The following BRINP1 variants were observed in gnomAD, a reference collection of about 807,000 sequenced individuals.
BRINP1 encodes the protein BMP/retinoic acid-inducible neural-specific protein 1.
BRINP1 carries 17 observed loss-of-function variants against 72.9 expected under a neutral mutation model. The ratio of observed to expected loss-of-function variants is 0.23; its 90% confidence interval spans 0.16 to 0.35. BRINP1 has a LOEUF of 0.35. Among genes scored for constraint, BRINP1 ranks in the 10% least tolerant of loss-of-function variants. The pLI is 1.00. For synonymous variants in BRINP1, 418 were observed against 378.5 expected, an observed-to-expected ratio of 1.10 and a Z score of -1.21; for missense variants, 850 against 1,001.6, an observed-to-expected ratio of 0.85 and a Z score of 2.04.
chr9:119,358,139 A>C (rs887154806), intron 1 of BRINP1, among the ~76,000 whole-genome samples: 11 of 152,200 alleles, frequency 7.2e-5, no homozygotes, highest in African/African-American at 2.2e-4. Flanking sequence ...ACATGTGACA[A>C]CATGCAAACA....
intron 7 of BRINP1, among the ~76,000 whole-genome samples, chr9:119,197,272 A>C (rs1829748217): frequency 1.3e-5 from 2 of 152,290 alleles, no homozygotes; most frequent in African/African-American, 4.8e-5. Flanking sequence ...GGACAGAGGA[A>C]AGTATTTTTT....
intron 2 of BRINP1, among the ~76,000 whole-genome samples, chr9:119,307,239 A>G (rs937322339): frequency 1.3e-5 from 2 of 152,056 alleles, no homozygotes; most frequent in African/African-American, 4.8e-5. Context: ...AAGCAAAATT[A>G]TCCCTGACTG....
At chr9:119,278,681 A>T (rs1830679560) in intron 2 of BRINP1, among the ~76,000 whole-genome samples, 1 of 152,174 alleles carries the variant, frequency 6.6e-6, no homozygotes, top group South Asian at 2.1e-4. Context: ...CGAGGTCAAG[A>T]GATCGAGACC....
At position 119,368,947 on chromosome 9, in the gene BRINP1, G is replaced by C. The variant is rs1318281948; in HGVS notation, c.-51+109C>G. 1 of 384,656 alleles carries C rather than the reference G, an allele frequency of 2.6e-6. No individual in the cohort carries two copies. 23.8% of individuals were successfully genotyped at this position (384,656 alleles called of 1,614,324 possible). A position where few individuals can be genotyped will look rare whatever the true frequency, so the allele number is the denominator to read the frequency against. On this transcript the variant is annotated intron_variant, in intron 1 of 7. Coordinates refer to ENST00000265922, the MANE Select transcript of BRINP1 (RefSeq NM_014618.3). This position sits in a 1 kb window ranked among gnomAD's most constrained non-coding sequence, Gnocchi z 4.7. ...GGCGGCCAGGTGAAGAGCGGACAAG[G>C]GTGCCGGTAGGGGGAGGGGCAGAGG...
chr9:119,180,617 A>C (rs1219401565), intron 7 of BRINP1, among the ~76,000 whole-genome samples: 2 of 152,140 alleles, frequency 1.3e-5, no homozygotes, highest in African/African-American at 2.4e-5. Flanking sequence ...TGGATGTGCT[A>C]GTATGAATTA....
rs570249948 is a variant in BRINP1 at position 119,356,048 on chromosome 9, C to T, written c.-51+13008G>A. On this transcript the variant is annotated intron_variant, in intron 1 of 7. Coordinates refer to ENST00000265922, the MANE Select transcript of BRINP1 (RefSeq NM_014618.3). Reference sequence around the variant, plus strand: ...TATAAAGATCGAGATAGAGATCTAACCCCTGCTTTCACAATAATGTATCTC... The same window carrying T: ...TATAAAGATCGAGATAGAGATCTAATCCCTGCTTTCACAATAATGTATCTC... 2.0e-5 allele frequency among the ~76,000 whole-genome samples: 3 copies of T among 152,172 alleles called. No homozygotes were observed. The South Asian group carries it at 6.2e-4, about 32-fold the overall frequency.
intron 2 of BRINP1, among the ~76,000 whole-genome samples, chr9:119,312,726 C>A (rs779862154): frequency 6.6e-6 from 1 of 152,122 alleles, no homozygotes; most frequent in African/African-American, 2.4e-5. Context: ...TTATGATATA[C>A]CAGATAAACC....
At chr9:119,327,564 G>T (rs1413161986) in intron 1 of BRINP1, among the ~76,000 whole-genome samples, 1 of 152,164 alleles carries the variant, frequency 6.6e-6, no homozygotes, top group Non-Finnish European at 1.5e-5. Context: ...AACTGCAGGG[G>T]TTAGTGGAGA....
chr9:119,238,588 C>T (rs936760985), intron 5 of BRINP1, 67 bp downstream of exon 5: 4 of 940,946 alleles, frequency 4.3e-6, no homozygotes, highest in Non-Finnish European at 6.7e-6. Flanking sequence ...CTCCTGATCC[C>T]CTCTCCCACA....
intron 5 of BRINP1, among the ~76,000 whole-genome samples, chr9:119,237,031 G>C (rs1259782410): frequency 6.6e-6 from 1 of 152,022 alleles, no homozygotes; most frequent in Non-Finnish European, 1.5e-5. Flanking sequence ...TTCTGTAACG[G>C]GAGCATGAAT....
intron 1 of BRINP1, among the ~76,000 whole-genome samples, chr9:119,349,828 C>T (rs1831488783): frequency 6.6e-6 from 1 of 152,114 alleles, no homozygotes; most frequent in South Asian, 2.1e-4. Context: ...GATTCAGATC[C>T]GAGCTCTGTT....
intron 5 of BRINP1, among the ~76,000 whole-genome samples, chr9:119,216,908 T>C (rs1829983913): frequency 6.6e-6 from 1 of 152,216 alleles, no homozygotes; most frequent in African/African-American, 2.4e-5. Context: ...GGGGGTTTTC[T>C]GGGAGCAGCT....
At chr9:119,249,852 A>AAGGAAGAAAGGAAGGAAGGG (rs1416449775) in intron 2 of BRINP1, among the ~76,000 whole-genome samples, 1 of 65,642 alleles carries the variant, frequency 1.5e-5, no homozygotes, top group African/African-American at 8.2e-5. Context: ...GGAAGGAAGG[A>AAGGAAGAAAGGAAGGAAGGG]AGGGAGGGAG....
At chr9:119,288,662 C>G (rs996760318) in intron 2 of BRINP1, among the ~76,000 whole-genome samples, 1 of 152,218 alleles carries the variant, frequency 6.6e-6, no homozygotes, top group African/African-American at 2.4e-5. Flanking sequence ...GCTTCTTACT[C>G]AACCTCATAG....
At chr9:119,313,949 T>C (rs1441416011) in intron 1 of BRINP1, among the ~76,000 whole-genome samples, 2 of 152,214 alleles carry the variant, frequency 1.3e-5, no homozygotes, top group Non-Finnish European at 2.9e-5. Flanking sequence ...ATGTATCCAC[T>C]GAGCACACAT....
chr9:119,254,815 G>A (rs1014904779), intron 2 of BRINP1, among the ~76,000 whole-genome samples: 4 of 152,176 alleles, frequency 2.6e-5, no homozygotes, highest in Non-Finnish European at 5.9e-5. Flanking sequence ...ACTGAGTGTG[G>A]ATGTGCTCCA....
At chr9:119,239,293 A>G (rs999137482) in intron 4 of BRINP1, among the ~76,000 whole-genome samples, 16 of 152,220 alleles carry the variant, frequency 1.1e-4, no homozygotes, top group African/African-American at 3.4e-4. Flanking sequence ...GAGTACATAT[A>G]CACTATTATT....
At chr9:119,252,765 C>T (rs890664081) in intron 2 of BRINP1, among the ~76,000 whole-genome samples, 6 of 152,008 alleles carry the variant, frequency 3.9e-5, no homozygotes, top group Non-Finnish European at 7.4e-5. Flanking sequence ...ATGTAAATAT[C>T]GAGAGGTAGA....
chr9:119,288,831 G>A (rs1830794069), intron 2 of BRINP1, among the ~76,000 whole-genome samples: 1 of 151,582 alleles, frequency 6.6e-6, no homozygotes. Flanking sequence ...CACTCTTGTT[G>A]CCCAGGCTGG....
Sources: allele counts gnomAD v4.1 joint callset (sites outside exome capture counted in the v4.1 genomes callset), GRCh38; gene constraint gnomAD v4.1.1; non-coding constraint Gnocchi (gnomAD v3.1); transcripts MANE v1.5; gene names NCBI Gene and HGNC (gene_info 2026-07-23, HGNC 2026-07-21).